ZNF423: variants seen among roughly 807,000 people sequenced by gnomAD.
ZNF423 encodes Ebf-associated zinc finger protein.
A neutral mutation model predicts 95.8 loss-of-function variants in ZNF423; 12 were observed. The observed-to-expected ratio is 0.13, with a 90% confidence interval of 0.08 to 0.20. The LOEUF is 0.20. Ranked by LOEUF, ZNF423 falls within the 10% of genes least tolerant of loss-of-function variation. The probability of loss-of-function intolerance (pLI) is 1.00; values close to 1 mark genes in which losing one functional copy is unlikely to be tolerated. For synonymous variants in ZNF423, 749 were observed against 711.9 expected (o/e 1.05, Z -0.83); for missense variants, 1,316 against 1,737.1 (o/e 0.76, Z 4.31).
intron 5 of ZNF423, among the ~76,000 whole-genome samples, chr16:49,526,143 A>C (rs1968597108): frequency 6.6e-6 from 1 of 152,114 alleles, no homozygotes. Flanking sequence ...CTGAGCTCAG[A>C]GGGCCAAGAG....
At chr16:49,823,036 C>G (rs957319186) in intron 1 of ZNF423, among the ~76,000 whole-genome samples, 4 of 152,206 alleles carry the variant, frequency 2.6e-5, no homozygotes, top group African/African-American at 9.7e-5. Context: ...TTCAGACCAC[C>G]CTGGTGACTA....
chr16:49,826,203 C>A (rs1030387968), intron 1 of ZNF423, among the ~76,000 whole-genome samples: 1 of 152,122 alleles, frequency 6.6e-6, no homozygotes, highest in Admixed American at 6.5e-5. Context: ...AAGAGCAAGA[C>A]CCTGTCTCAA....
chr16:49,527,500 T>A (rs1432669095), intron 5 of ZNF423, among the ~76,000 whole-genome samples: 1 of 151,848 alleles, frequency 6.6e-6, no homozygotes, highest in East Asian at 1.9e-4. Context: ...ACAAACAACA[T>A]TGCCCAGTGC....
intron 7 of ZNF423, among the ~76,000 whole-genome samples, chr16:49,504,276 G>A (rs552410638): frequency 6.6e-6 from 1 of 152,328 alleles, no homozygotes; most frequent in African/African-American, 2.4e-5. Flanking sequence ...TTTTTACAAT[G>A]AAAAACAGGC....
chr16:49,623,525 C>A (rs571253859), intron 5 of ZNF423, among the ~76,000 whole-genome samples: 1 of 152,366 alleles, frequency 6.6e-6, no homozygotes, highest in South Asian at 2.1e-4. Flanking sequence ...AACAGGAACG[C>A]GCATTAACAT....
intron 1 of ZNF423, among the ~76,000 whole-genome samples, chr16:49,800,976 T>A (rs190916946): frequency 6.6e-6 from 1 of 152,324 alleles, no homozygotes; most frequent in East Asian, 1.9e-4. Context: ...AAACTGAATA[T>A]CACAAAGCCA....
upstream of ZNF423, among the ~76,000 whole-genome samples, chr16:49,858,723 C>CCG (rs1555491193): frequency 7.3e-6 from 1 of 137,136 alleles, no homozygotes; most frequent in Non-Finnish European, 1.6e-5. The surrounding 1 kb of genome is among the most constrained non-coding windows in gnomAD (Gnocchi z 4.3). Context: ...AGGAGCCCCC[C>CCG]CCCCCACGCC....
chr16:49,557,484 G>A (rs1216969374), intron 5 of ZNF423, among the ~76,000 whole-genome samples: 1 of 152,134 alleles, frequency 6.6e-6, no homozygotes, highest in African/African-American at 2.4e-5. Context: ...GGAGCAGGTG[G>A]CCCTGGGGCA....
At chr16:49,827,465 G>A (rs1028035359) in intron 1 of ZNF423, among the ~76,000 whole-genome samples, 4 of 152,096 alleles carry the variant, frequency 2.6e-5, no homozygotes, top group Non-Finnish European at 5.9e-5. Flanking sequence ...TCTGGGACAC[G>A]ACAGACGCTC....
At chr16:49,691,916 T>C (rs1185897096) in intron 3 of ZNF423, among the ~76,000 whole-genome samples, 2 of 152,096 alleles carry the variant, frequency 1.3e-5, no homozygotes, top group Non-Finnish European at 2.9e-5. Context: ...ATCCCTACAC[T>C]GCCCCATTTC....
At chr16:49,525,239 G>C (rs1968557233) in intron 6 of ZNF423, 124 bp downstream of exon 6, 8 of 1,411,718 alleles carry the variant, frequency 5.7e-6, no homozygotes, top group Non-Finnish European at 7.7e-6. Context: ...ATCCCCAACG[G>C]AGTCCTGGTC....
chr16:49,623,741 C>A (rs1247057127), intron 5 of ZNF423, among the ~76,000 whole-genome samples: 4 of 152,168 alleles, frequency 2.6e-5, no homozygotes, highest in Non-Finnish European at 5.9e-5. Context: ...TGGGCCCCTC[C>A]TCCCCACTCT....
At chr16:49,529,359 C>T (rs188406339) in intron 5 of ZNF423, among the ~76,000 whole-genome samples, 2 of 151,992 alleles carry the variant, frequency 1.3e-5, no homozygotes, top group Non-Finnish European at 2.9e-5. Context: ...AAACAAACAA[C>T]CCGCCAAGCA....
At chr16:49,728,989 C>T (rs1044092706) in intron 3 of ZNF423, among the ~76,000 whole-genome samples, 2 of 152,176 alleles carry the variant, frequency 1.3e-5, no homozygotes, top group African/African-American at 4.8e-5. Context: ...CCTCAGCCTC[C>T]CAAAATGCTG....
At chr16:49,529,938 C>T (rs2151717798) in intron 5 of ZNF423, among the ~76,000 whole-genome samples, 1 of 152,254 alleles carries the variant, frequency 6.6e-6, no homozygotes, top group East Asian at 1.9e-4. Flanking sequence ...AGAGTGGCAT[C>T]ATTAATGCAC....
At chr16:49,810,036 T>C (rs2034727349) in intron 1 of ZNF423, among the ~76,000 whole-genome samples, 1 of 151,992 alleles carries the variant, frequency 6.6e-6, no homozygotes, top group African/African-American at 2.4e-5. Context: ...ACAGCACCCC[T>C]TCCCCACTCT....
chr16:49,725,928 CAATGCTGAGCTCCAAACTGGTCCTG>C (rs1454798058), intron 3 of ZNF423, among the ~76,000 whole-genome samples: 1 of 148,544 alleles, frequency 6.7e-6, no homozygotes, highest in African/African-American at 2.6e-5. Flanking sequence ...GGGAAGACAC[CAATGCTGAGCTCCAAACTGGTCCTG>C]AAGGCGATTT....
intron 2 of ZNF423, among the ~76,000 whole-genome samples, chr16:49,767,768 G>A (rs2143686184): frequency 6.6e-6 from 1 of 152,274 alleles, no homozygotes; most frequent in East Asian, 1.9e-4. Context: ...GACACAGAAG[G>A]AATCCTCTGA....
intron 5 of ZNF423, among the ~76,000 whole-genome samples, chr16:49,538,610 C>T (rs1258439307): frequency 6.6e-6 from 1 of 152,184 alleles, no homozygotes; most frequent in Non-Finnish European, 1.5e-5. Context: ...GCCAGGTGGC[C>T]CTGGCCCTGC....
Sources: allele counts gnomAD v4.1 joint callset (sites outside exome capture counted in the v4.1 genomes callset), GRCh38; gene constraint gnomAD v4.1.1; non-coding constraint Gnocchi (gnomAD v3.1); transcripts MANE v1.5; gene names NCBI Gene and HGNC (gene_info 2026-07-23, HGNC 2026-07-21).